The following ANO6 variants were observed in gnomAD, a reference collection of about 807,000 sequenced individuals.
The protein encoded by ANO6 is anoctamin 6.
Under a neutral mutation model 117.5 loss-of-function variants are expected in ANO6, and 106 were observed. The ratio of observed to expected loss-of-function variants is 0.90; its 90% CI spans 0.77 to 1.06. The LOEUF (loss-of-function observed/expected upper bound fraction) is 1.06, where lower values mean the gene tolerates loss of function less well. Ranked by LOEUF, ANO6 falls within the 50% of genes least tolerant of loss-of-function variation. The pLI, the probability that ANO6 is intolerant of heterozygous loss-of-function variation, is 0.00. For missense variants in ANO6, 955 were observed against 1,121.1 expected (o/e 0.85, Z 2.12); for synonymous variants, 367 against 385.1 (o/e 0.95, Z 0.55).
intron 16 of ANO6, among the ~76,000 whole-genome samples, chr12:45,415,849 CCA>C (rs931799221): frequency 7.2e-5 from 11 of 152,312 alleles, no homozygotes; most frequent in African/African-American, 2.4e-4. Context: ...TTCCTCCCAT[CCA>C]CAGTTTTAGT....
chr12:45,268,363 T>A lies in ANO6; in HGVS notation c.71-33651T>A, dbSNP rs570003040. ...TGGTGAAACCCCATCTCTACAAAAA[T>A]ACAAAAATTAGCCAGGTGTGGTGGT... On this transcript the variant is annotated intron_variant, in intron 1 of 19. Coordinates refer to ENST00000320560, the MANE Select transcript of ANO6 (RefSeq NM_001025356.3). Among the ~76,000 whole-genome samples the A allele has an allele frequency of 4.9e-4, 75 of 152,016 alleles. 1 individual carries two copies. The highest frequency in any genetic ancestry group is 1.6e-4 in the Non-Finnish European group (11 of 67,970).
intron 1 of ANO6, among the ~76,000 whole-genome samples, chr12:45,293,510 A>T (rs962783939): frequency 5.9e-5 from 9 of 152,194 alleles, no homozygotes; most frequent in Admixed American, 4.6e-4. Flanking sequence ...CTCTTTAAAA[A>T]AAAAAACCTT....
chr12:45,315,700 A>G (rs1280211298), intron 2 of ANO6, among the ~76,000 whole-genome samples: 1 of 151,998 alleles, frequency 6.6e-6, no homozygotes, highest in Non-Finnish European at 1.5e-5. Flanking sequence ...ATACTGCCAC[A>G]TAGAAACCTC....
chr12:45,367,909 A>T lies in ANO6; in HGVS notation c.1104+116A>T, dbSNP rs1941727703. 4.9e-5 allele frequency: 38 copies of T among 775,902 alleles called. No homozygotes were observed. In the East Asian group the frequency reaches 1.0e-3, roughly 21 times the overall value. The allele number at this position is 775,902 out of a possible 1,614,324, so 48.1% of individuals were successfully genotyped here. A position where few individuals can be genotyped will look rare whatever the true frequency, so the allele number is the denominator to read the frequency against. Reference sequence around the variant, plus strand: ...CTCTGAGGAATTAAGATATTTTTCAACTAACCTTTCAAACATTCTGGACAT... The same window carrying T: ...CTCTGAGGAATTAAGATATTTTTCATCTAACCTTTCAAACATTCTGGACAT... On this transcript the variant is annotated intron_variant, in intron 9 of 19. Transcript: ENST00000320560.
rs1565674847 is a variant in ANO6 at position 45,301,996 on chromosome 12, A to G, written c.71-18A>G. On this transcript the variant is annotated intron_variant, in intron 1 of 19. Coordinates refer to ENST00000320560, the MANE Select transcript of ANO6 (RefSeq NM_001025356.3). ...GCAGGTTCATGCTTCATTTGTTTAT[A>G]TATTCATTCGTTTTTAGTGTTGGAA... The G allele has an allele frequency of 2.5e-6, 4 of 1,609,814 alleles. No homozygotes were observed. Among genetic ancestry groups the G allele is most frequent in the South Asian group, 1.1e-5 (1 of 91,014 alleles).
chr12:45,425,223 G>C (rs1442256415), intron 19 of ANO6, among the ~76,000 whole-genome samples: 1 of 152,126 alleles, frequency 6.6e-6, no homozygotes, highest in African/African-American at 2.4e-5. Flanking sequence ...AATCTGAAGA[G>C]AGAATTTGTG....
intron 7 of ANO6, among the ~76,000 whole-genome samples, chr12:45,352,560 T>TAAAA (rs5797940): frequency 5.3e-5 from 5 of 93,930 alleles, no homozygotes; most frequent in Admixed American, 1.2e-4. Flanking sequence ...GATCCAGTCT[T>TAAAA]AAAAAAAAAA....
chr12:45,269,498 G>A (rs1592898364), intron 1 of ANO6, among the ~76,000 whole-genome samples: 1 of 152,306 alleles, frequency 6.6e-6, no homozygotes, highest in South Asian at 2.1e-4. Flanking sequence ...TTTGGTGCAG[G>A]AAAAACATAA....
chr12:45,248,472 C>T (rs1249660121), intron 1 of ANO6, among the ~76,000 whole-genome samples: 2 of 132,506 alleles, frequency 1.5e-5, no homozygotes, highest in East Asian at 2.2e-4. Context: ...TGCTCTCTGT[C>T]GCCCAGGCTG....
intron 1 of ANO6, among the ~76,000 whole-genome samples, chr12:45,238,141 T>C (rs1380787260): frequency 6.9e-6 from 1 of 145,814 alleles, no homozygotes; most frequent in Non-Finnish European, 1.5e-5. Context: ...GGGGTTTTCT[T>C]TTTCTTTTTC....
At chr12:45,428,914 A>G (rs1943569041) in intron 19 of ANO6, among the ~76,000 whole-genome samples, 191 bp from the exon 20 acceptor site, 1 of 152,178 alleles carries the variant, frequency 6.6e-6, no homozygotes, top group Non-Finnish European at 1.5e-5. Context: ...TATTATTTAA[A>G]TGTGTAAAGT....
intron 16 of ANO6, among the ~76,000 whole-genome samples, chr12:45,411,684 C>T (rs1226055999): frequency 6.6e-6 from 1 of 152,214 alleles, no homozygotes. Context: ...AAGCAAGCCT[C>T]CAGGCTTGCT....
At chr12:45,347,953 T>C (rs1941180976) in intron 4 of ANO6, 75 bp from the exon 5 acceptor site, 1 of 1,446,752 alleles carries the variant, frequency 6.9e-7, no homozygotes, top group African/African-American at 1.4e-5. Context: ...ACCAACAACA[T>C]AAGAAAAATC....
rs763768438 is a variant in ANO6 at position 45,370,844 on chromosome 12, T to C, written c.1104+3051T>C. ...TCCTTGAGGTTTTTTAGAAGAATGA[T>C]TGGGAGGAGGAGCCAAGATGGCCGA... On this transcript the variant is annotated intron_variant, in intron 9 of 19. Coordinates refer to ENST00000320560, the MANE Select transcript of ANO6 (RefSeq NM_001025356.3). Among the ~76,000 whole-genome samples the C allele has an allele frequency of 4.6e-5, 7 of 152,058 alleles. No individual in the cohort carries two copies. The South Asian group carries it at 6.2e-4, about 14-fold the overall frequency.
At chr12:45,408,284 T>A (rs928663008) in intron 15 of ANO6, among the ~76,000 whole-genome samples, 3 of 152,094 alleles carry the variant, frequency 2.0e-5, no homozygotes, top group Non-Finnish European at 4.4e-5. Flanking sequence ...GTATTTGGAG[T>A]TGTTGTTATG....
At chr12:45,328,999 A>G (rs1226425748) in intron 2 of ANO6, among the ~76,000 whole-genome samples, 1 of 152,182 alleles carries the variant, frequency 6.6e-6, no homozygotes, top group Non-Finnish European at 1.5e-5. Context: ...ATACTCTCCA[A>G]TCTCAGTAAA....
chr12:45,249,809 A>G (rs1947876135), intron 1 of ANO6, among the ~76,000 whole-genome samples: 2 of 152,238 alleles, frequency 1.3e-5, no homozygotes, highest in African/African-American at 4.8e-5. Context: ...GTGTATGCCA[A>G]TACCTTGTGT....
At chr12:45,319,394 T>C (rs1369401922) in intron 2 of ANO6, among the ~76,000 whole-genome samples, 4 of 152,198 alleles carry the variant, frequency 2.6e-5, no homozygotes, top group Non-Finnish European at 2.9e-5. Context: ...TTGTCTTTGG[T>C]TCTGTTTATA....
In ANO6 at chr12:45,429,206, G is replaced by T; in HGVS notation, c.2628G>T (p.Lys876Asn). 1.2e-6 allele frequency: 2 copies of T among 1,613,924 alleles called. No homozygotes were observed. The highest frequency in any genetic ancestry group is 1.7e-6 in the Non-Finnish European group (2 of 1,179,934). Residue 876 changes from lysine (K) to asparagine (N), a missense_variant, in exon 20 of 20, where the codon AAG (lysine) becomes AAT (asparagine). Physicochemically the swap from Lys to Asn is moderately conservative, Grantham distance 94 (BLOSUM62 0). Transcript: ENST00000320560. ...AGAGAGAAAAATACCTAACCCAAAAGCTTCTTCATGAGAATCACCTCAAAG... is the reference window on the plus strand; with the variant it reads ...AGAGAGAAAAATACCTAACCCAAAATCTTCTTCATGAGAATCACCTCAAAG... The part of the protein sequence containing the change: ...KIQREKYLTQ[K>N]LLHENHLKDM...
Sources: allele counts gnomAD v4.1 joint callset (sites outside exome capture counted in the v4.1 genomes callset), GRCh38; gene constraint gnomAD v4.1.1; transcripts MANE v1.5; gene names NCBI Gene and HGNC (gene_info 2026-07-23, HGNC 2026-07-21).